The following SPTAN1 variants were observed in gnomAD, a reference collection of about 807,000 sequenced individuals.
SPTAN1 encodes the protein spectrin alpha, non-erythrocytic 1.
In SPTAN1, 61 loss-of-function variants were observed where a neutral mutation model predicts 331.3. The observed-to-expected ratio is 0.18, with a 90% CI of 0.15 to 0.23. SPTAN1 has a LOEUF of 0.23. Ranked by LOEUF, SPTAN1 falls within the 10% of genes least tolerant of loss-of-function variation. The pLI is 1.00. For synonymous variants in SPTAN1, 1,153 were observed against 1,173.9 expected (o/e 0.98, Z 0.36); for missense variants, 2,043 against 3,147.9 (o/e 0.65, Z 8.40).
chr9:128,607,746 T>G, intron 32 of SPTAN1, 43 bp downstream of exon 32: 3 of 1,610,104 alleles, frequency 1.9e-6, no homozygotes, highest in Non-Finnish European at 1.7e-6. Context: ...GTGGCTGCTC[T>G]GCAGGGCCCT....
intron 38 of SPTAN1, 51 bp from the exon 39 acceptor site, chr9:128,612,058 G>A (rs759091303): frequency 1.2e-6 from 2 of 1,613,846 alleles, no homozygotes; most frequent in Non-Finnish European, 8.5e-7. Context: ...TTTAGGAGAG[G>A]GACGATTCTT....
Position 128,584,265 on chromosome 9 carries a change from T to A in SPTAN1, c.2194-17T>A. On this transcript the variant is annotated splice_polypyrimidine_tract_variant and intron_variant, in intron 16 of 56. Transcript: ENST00000372739. ...CACACCCAAAGTAAAGTCTGCTCTG[T>A]CCTTTTGCATTCCCAGGACCGAATT... The A allele has an allele frequency of 6.2e-7, 1 of 1,614,192 alleles. No individual in the cohort carries two copies. Among genetic ancestry groups the A allele is most frequent in the South Asian group, 1.1e-5 (1 of 91,056 alleles).
At chr9:128,567,863 T>A (rs1365587400) in intron 2 of SPTAN1, among the ~76,000 whole-genome samples, 1 of 151,962 alleles carries the variant, frequency 6.6e-6, no homozygotes, top group Non-Finnish European at 1.5e-5. Context: ...CAGATTCAAG[T>A]GATTCTCCTG....
At chr9:128,591,726 A>C in intron 22 of SPTAN1, 101 bp downstream of exon 22, 2 of 1,466,120 alleles carry the variant, frequency 1.4e-6, no homozygotes, top group African/African-American at 1.4e-5. Flanking sequence ...CCTGGAGCCC[A>C]CCTGCACGCC....
At chr9:128,622,551 G>A (rs888068353) in intron 45 of SPTAN1, among the ~76,000 whole-genome samples, 24 of 151,558 alleles carry the variant, frequency 1.6e-4, no homozygotes, top group Non-Finnish European at 2.7e-4. Context: ...CGCCCTCCTC[G>A]GCCTCCCAAA....
At position 128,626,658 on chromosome 9, in the gene SPTAN1, A is replaced by T; in HGVS notation, c.6547A>T (p.Thr2183Ser). ...TWFTMEALEE[T>S]WRNLQKIIKE... The stretch of plus-strand genomic sequence containing the variant: ...GTTTACCATGGAGGCCCTGGAGGAG[A>T]CCTGGAGGAACCTACAGAAAATCAT... The change falls in exon 49 of 57, where the codon ACC becomes TCC. Residue 2183 changes from threonine (T) to serine (S), a missense_variant. Thr to Ser is a moderately conservative substitution (Grantham distance 58, BLOSUM62 1). Around this residue, in one of 12 missense-constraint regions of SPTAN1, gnomAD observed 256 missense variants for 376.4 expected, o/e 0.68. Coordinates refer to ENST00000372739, the MANE Select transcript of SPTAN1 (RefSeq NM_001130438.3). The T allele has an allele frequency of 6.2e-7, 1 of 1,612,340 alleles. No homozygotes were observed. Among genetic ancestry groups the T allele is most frequent in the Non-Finnish European group, 8.5e-7 (1 of 1,179,428 alleles).
At position 128,627,004 on chromosome 9, in the gene SPTAN1, G is replaced by T; in HGVS notation, c.6576+317G>T. Reference sequence around the variant, plus strand: ...TAATTATTTTAATTTTTGTAGACAGGGTGTTGCTATGTTGCCCAGGCTGGT... The same window carrying T: ...TAATTATTTTAATTTTTGTAGACAGTGTGTTGCTATGTTGCCCAGGCTGGT... On this transcript the variant is annotated intron_variant, in intron 49 of 56. Transcript: ENST00000372739. The surrounding 1 kb of genome is among the most constrained non-coding windows in gnomAD (Gnocchi z 4.9). 2 of 558,806 alleles carry T rather than the reference G, an allele frequency of 3.6e-6. No individual in the cohort carries two copies. The highest frequency in any genetic ancestry group is 1.5e-5 in the South Asian group (1 of 65,238). 34.6% of individuals were successfully genotyped at this position (558,806 alleles called of 1,614,324 possible). A position where few individuals can be genotyped will look rare whatever the true frequency, so the allele number is the denominator to read the frequency against.
intron 24 of SPTAN1, among the ~76,000 whole-genome samples, chr9:128,594,649 C>T (rs188277043): frequency 2.6e-5 from 4 of 151,838 alleles, no homozygotes; most frequent in Admixed American, 2.0e-4. Context: ...CCAGACTGGT[C>T]TCAAACTCCT....
At chr9:128,562,992 G>A (rs1984181) in intron 1 of SPTAN1, among the ~76,000 whole-genome samples, 591 of 2,876 alleles carry the variant, frequency 0.21, 15 homozygotes, top group East Asian at 0.23. Context: ...ACATGTATGT[G>A]TATATATATA....
rs538803396 is a variant in SPTAN1, at chr9:128,562,352, C to T, written c.-3-4386C>T. Among the ~76,000 whole-genome samples the T allele has an allele frequency of 1.7e-4, 26 of 152,226 alleles. No homozygotes were observed. In the South Asian group the frequency reaches 4.6e-3, roughly 27 times the overall value. On this transcript the variant is annotated intron_variant, in intron 1 of 56. Coordinates refer to ENST00000372739, the MANE Select transcript of SPTAN1 (RefSeq NM_001130438.3). ...TCATGACCTTGTGATCCACCTGCCT[C>T]GGCTTCCCAAAGTGCTGGGATTACA... is the stretch of plus-strand genomic sequence containing the variant.
chr9:128,618,346 AGAATCACACAT>A (rs368584313), intron 43 of SPTAN1, among the ~76,000 whole-genome samples: 209 of 152,308 alleles, frequency 1.4e-3, no homozygotes, highest in Admixed American at 4.4e-3. Flanking sequence ...GTATGAGTCC[AGAATCACACAT>A]GAATCACACA....
chr9:128,617,754 T>A lies in SPTAN1; in HGVS notation c.5472T>A (p.Ala1824=). 1 of 1,614,004 alleles carries A rather than the reference T, an allele frequency of 6.2e-7. No individual in the cohort carries two copies. Among genetic ancestry groups the A allele is most frequent in the Non-Finnish European group, 8.5e-7 (1 of 1,179,998 alleles). The change falls in exon 42 of 57, where the codon GCT becomes GCA. Residue 1824 remains alanine (A), a synonymous_variant. Transcript: ENST00000372739. ...CAGAACTGGCTGCGCATGAGCCGGC[T>A]ATTCAGGTAAGGAGGCCGCCTTCTG... ...LEAELAAHEP[A]IQGVLDTGKK... is the part of the protein sequence containing the mutation.
In SPTAN1 at chr9:128,607,685, A is replaced by G. The variant is rs2131613638; in HGVS notation, c.4128A>G (p.Ala1376=). 6.2e-7 allele frequency: 1 copy of G among 1,614,070 alleles called. No individual in the cohort carries two copies. The highest frequency in any genetic ancestry group is 8.5e-7 in the Non-Finnish European group (1 of 1,180,020). ...ELAKDVTGAE[A]LLERHQEHRT... The stretch of plus-strand genomic sequence containing the variant: ...CCAAGGATGTCACCGGAGCTGAGGC[A>G]TTGCTGGAGCGACACCAGGTGGGTG... The change falls in exon 32 of 57, where the codon GCA becomes GCG. Residue 1376 remains alanine, a synonymous_variant. Transcript: ENST00000372739.
At chr9:128,631,954 G>A in intron 52 of SPTAN1, 173 bp from the exon 53 acceptor site, 1 of 662,172 alleles carries the variant, frequency 1.5e-6, no homozygotes. Flanking sequence ...CTATTGAGGT[G>A]GTTGGGATTT....
chr9:128,628,277 C>T (rs1329603749), intron 51 of SPTAN1: 4 of 455,292 alleles, frequency 8.8e-6, no homozygotes, highest in South Asian at 3.7e-5. Flanking sequence ...GTCCAGCCAC[C>T]GGGCTCTGTT....
intron 1 of SPTAN1, among the ~76,000 whole-genome samples, chr9:128,559,837 C>T (rs1450400099): frequency 2.0e-5 from 3 of 150,934 alleles, no homozygotes; most frequent in African/African-American, 4.9e-5. Context: ...CGGGTTCAAG[C>T]GATTCTCCTG....
rs777596672 is a variant in SPTAN1 at position 128,632,458 on chromosome 9, C to T, written c.6987C>T (p.Ala2329=). The part of the protein sequence containing the change: ...ARNTTGVTEE[A]LKEFSMMFKH... ...ACACAACAGGTGTGACTGAGGAGGC[C>T]CTCAAAGAATTCAGCATGATGTTTA... The change falls in exon 54 of 57, where the codon GCC becomes GCT. Residue 2329 remains alanine, a synonymous_variant. Coordinates refer to ENST00000372739, the MANE Select transcript of SPTAN1 (RefSeq NM_001130438.3). The T allele has an allele frequency of 3.1e-6, 5 of 1,614,166 alleles. No individual in the cohort carries two copies. The South Asian group carries it at 5.5e-5, about 18-fold the overall frequency.
At chr9:128,576,345 G>C (rs1037471749) in intron 5 of SPTAN1, among the ~76,000 whole-genome samples, 2 of 151,974 alleles carry the variant, frequency 1.3e-5, no homozygotes, top group African/African-American at 4.8e-5. Flanking sequence ...GACCAGCCTG[G>C]GTAACATAGC....
At chr9:128,586,602 T>C (rs965423606) in intron 19 of SPTAN1, among the ~76,000 whole-genome samples, 5 of 152,104 alleles carry the variant, frequency 3.3e-5, no homozygotes, top group African/African-American at 1.2e-4. Flanking sequence ...CATATATACA[T>C]ACCTACAAAC....
Sources: allele counts gnomAD v4.1 joint callset (sites outside exome capture counted in the v4.1 genomes callset), GRCh38; gene constraint gnomAD v4.1.1; regional missense constraint gnomAD v4.1.1; non-coding constraint Gnocchi (gnomAD v3.1); transcripts MANE v1.5; gene names NCBI Gene and HGNC (gene_info 2026-07-23, HGNC 2026-07-21).